Variants in SUGT1 observed in about 807,000 individuals in gnomAD.
SUGT1 encodes the protein protein SGT1 homolog.
A neutral mutation model predicts 56.1 loss-of-function variants in SUGT1; 15 were observed. The ratio of observed to expected loss-of-function variants is 0.27; its 90% CI spans 0.18 to 0.41. SUGT1 has a LOEUF of 0.41. SUGT1 is among the 10% of genes least tolerant of loss of function. SUGT1 has a pLI of 1.00. For synonymous variants in SUGT1, 123 were observed against 128.6 expected (o/e 0.96, Z 0.30); for missense variants, 347 against 382.2 (o/e 0.91, Z 0.77).
rs1171484531 is a variant in SUGT1, at chr13:52,680,018, T to G, written c.763T>G (p.Trp255Gly). ...ATCATCATCTCCTTATACAAGAAAT[T>G]GGGATAAATTGGTTGGTGAGATCAA... is the stretch of plus-strand genomic sequence containing the variant. ...YPSSSPYTRN[W>G]DKLVGEIKEE... The change falls in exon 12 of 13, where the codon TGG becomes GGG. Residue 255 changes from tryptophan (W) to glycine (G), a missense_variant. Trp to Gly is a radical substitution (Grantham distance 184). Transcript: ENST00000310528. 6.2e-7 allele frequency: 1 copy of G among 1,601,464 alleles called. No individual in the cohort carries two copies. Among genetic ancestry groups the G allele is most frequent in the Non-Finnish European group, 8.5e-7 (1 of 1,176,726 alleles).
intron 12 of SUGT1, chr13:52,687,323 A>G (rs1963635192): frequency 6.6e-6 from 1 of 152,258 alleles, no homozygotes. Flanking sequence ...CTGGTACAAG[A>G]AGAGATTATT....
intron 2 of SUGT1, among the ~76,000 whole-genome samples, chr13:52,654,521 CAT>C (rs1183546767): frequency 3.9e-5 from 6 of 152,310 alleles, no homozygotes; most frequent in Middle Eastern, 6.8e-3. Context: ...TGAGTTTTCA[CAT>C]GTTTACACCA....
intron 5 of SUGT1, chr13:52,661,450 G>C (rs1264190537): frequency 3.5e-6 from 1 of 282,886 alleles, no homozygotes; most frequent in Non-Finnish European, 7.0e-6. Context: ...GCACCACCAA[G>C]CCTGGCTAAT....
intron 10 of SUGT1, among the ~76,000 whole-genome samples, chr13:52,669,258 A>C (rs1196094746): frequency 6.6e-6 from 1 of 152,230 alleles, no homozygotes; most frequent in Admixed American, 6.5e-5. Context: ...CCCCAGATAA[A>C]GTTACAAGAT....
Position 52,666,828 on chromosome 13 carries a change from A to G in SUGT1, c.536A>G (p.Lys179Arg), listed in dbSNP as rs1962725264. The G allele has an allele frequency of 6.2e-7, 1 of 1,612,926 alleles. No individual in the cohort carries two copies. The highest frequency in any genetic ancestry group is 8.5e-7 in the Non-Finnish European group (1 of 1,179,450). The part of the protein sequence containing the change: ...FSEKELSALV[K>R]LPSGEDYNLK... ...GTTCATTAGTTGTCTGCTTTGGTTA[A>G]ACTTCCTTCTGGAGAGGATTACAAT... The change falls in exon 10 of 13, where the codon AAA becomes AGA. Residue 179 changes from lysine to arginine, a missense_variant. Transcript: ENST00000310528.
intron 5 of SUGT1, among the ~76,000 whole-genome samples, chr13:52,659,662 TGA>T (rs1299396069): frequency 6.6e-6 from 1 of 151,514 alleles, no homozygotes; most frequent in Non-Finnish European, 1.5e-5. Context: ...GGGTAAATTA[TGA>T]GAGGGTACAG....
chr13:52,663,929 G>A, intron 7 of SUGT1, 106 bp from the exon 8 acceptor site: 1 of 1,013,730 alleles, frequency 9.9e-7, no homozygotes, highest in Non-Finnish European at 1.5e-6. Context: ...CAAAATAACT[G>A]CAGTGTTGGG....
chr13:52,675,433 C>T (rs1288413075), intron 10 of SUGT1, among the ~76,000 whole-genome samples: 1 of 152,014 alleles, frequency 6.6e-6, no homozygotes, highest in Non-Finnish European at 1.5e-5. Flanking sequence ...AAACATTAGC[C>T]AGGAGTGGTG....
At position 52,699,225 on chromosome 13, in the gene SUGT1, T is replaced by G. The variant is rs574816141; in HGVS notation, c.*11390T>G. On this transcript the variant is annotated 3_prime_UTR_variant, in exon 13 of 13. Coordinates refer to ENST00000310528, the MANE Select transcript of SUGT1 (RefSeq NM_006704.5). The stretch of plus-strand genomic sequence containing the variant: ...TTGGGGGGTCATTATGATTAAGTTA[T>G]TGAATCCATATCACCGTATGACAGC... The G allele has an allele frequency of 5.3e-5, 8 of 152,200 alleles. No homozygotes were observed. Among genetic ancestry groups the G allele is most frequent in the Non-Finnish European group, 1.0e-4 (7 of 68,042 alleles). 9.4% of individuals were successfully genotyped at this position (152,200 alleles called of 1,614,324 possible).
At position 52,700,731 on chromosome 13, in the gene SUGT1, CAATA is replaced by C. The variant is rs985323285; in HGVS notation, c.*12900_*12903del. 6.6e-6 allele frequency: 1 copy of C among 152,226 alleles called. No homozygotes were observed. Among genetic ancestry groups the C allele is most frequent in the African/African-American group, 2.4e-5 (1 of 41,534 alleles). The allele number at this position is 152,226 out of a possible 1,614,324, so 9.4% of individuals were successfully genotyped here. On this transcript the variant is annotated 3_prime_UTR_variant, in exon 13 of 13. Coordinates refer to ENST00000310528, the MANE Select transcript of SUGT1 (RefSeq NM_006704.5). Reference sequence around the variant, plus strand: ...TTTGGTCAACTCTCTCCTCCTCCCTCAATAAATCAGTTAACTTAAAAAATATATT... The same window carrying C: ...TTTGGTCAACTCTCTCCTCCTCCCTCAATCAGTTAACTTAAAAAATATATT...
In SUGT1 at chr13:52,676,219, G is replaced by C. The variant is rs1963136805; in HGVS notation, c.628-11G>C. The C allele has an allele frequency of 5.0e-6, 8 of 1,605,386 alleles. No individual in the cohort carries two copies. The African/African-American group carries it at 8.1e-5, about 16-fold the overall frequency. On this transcript the variant is annotated splice_polypyrimidine_tract_variant and intron_variant, in intron 10 of 12. Transcript: ENST00000310528. ...CGTCGAGTAATGGAGTTTATTTGGT[G>C]TTTCCTCCAGATTGAAATTAAACTG...
rs61756205 is a variant in SUGT1 at position 52,666,823 on chromosome 13, G to A, written c.531G>A (p.Leu177=). The part of the protein sequence containing the change: ...VEFSEKELSA[L]VKLPSGEDYN... ...TTTGTGTTCATTAGTTGTCTGCTTT[G>A]GTTAAACTTCCTTCTGGAGAGGATT... The change falls in exon 10 of 13, where the codon TTG becomes TTA. Residue 177 remains leucine, a synonymous_variant. Coordinates refer to ENST00000310528, the MANE Select transcript of SUGT1 (RefSeq NM_006704.5). The A allele has an allele frequency of 3.4e-5, 55 of 1,612,310 alleles. No individual in the cohort carries two copies. The South Asian group carries it at 5.6e-4, about 16-fold the overall frequency.
intron 3 of SUGT1, among the ~76,000 whole-genome samples, chr13:52,657,827 C>T (rs970836091): frequency 6.6e-6 from 1 of 152,188 alleles, no homozygotes; most frequent in African/African-American, 2.4e-5. Flanking sequence ...AGAATGTATA[C>T]AGATTTCATT....
rs1963903653 is a variant in SUGT1, at chr13:52,695,517, A to AAAT, written c.*7683_*7685dup. 1 of 152,226 alleles carries AAAT rather than the reference A, an allele frequency of 6.6e-6. No homozygotes were observed. The highest frequency in any genetic ancestry group is 1.5e-5 in the Non-Finnish European group (1 of 68,044). 9.4% of individuals were successfully genotyped at this position (152,226 alleles called of 1,614,324 possible). On this transcript the variant is annotated 3_prime_UTR_variant, in exon 13 of 13. Transcript: ENST00000310528. ...GGATTTAATAACTAAGTCCTGACTC[A>AAAT]AATTATGTTACCAATAAATGCTACT...
At chr13:52,657,955 C>A in intron 3 of SUGT1, 1 of 477,762 alleles carries the variant, frequency 2.1e-6, no homozygotes, top group Non-Finnish European at 3.2e-6. Context: ...GGCATGGTGG[C>A]TCACGCCTGT....
rs1275254937 is a variant in SUGT1, at chr13:52,689,948, G to C, written c.*2113G>C. 1 of 106,764 alleles carries C rather than the reference G, an allele frequency of 9.4e-6. No homozygotes were observed. Among genetic ancestry groups the C allele is most frequent in the African/African-American group, 3.7e-5 (1 of 26,730 alleles). 6.6% of individuals were successfully genotyped at this position (106,764 alleles called of 1,614,324 possible). A position where few individuals can be genotyped will look rare whatever the true frequency, so the allele number is the denominator to read the frequency against. The stretch of plus-strand genomic sequence containing the variant: ...CATGCCACTGCACTCCAGCCTGGGC[G>C]ACTCCATCTCAAAAAAAATAAATAG... On this transcript the variant is annotated 3_prime_UTR_variant, in exon 13 of 13. Coordinates refer to ENST00000310528, the MANE Select transcript of SUGT1 (RefSeq NM_006704.5).
intron 5 of SUGT1, 109 bp from the exon 6 acceptor site, chr13:52,662,540 C>CGAAAGAGGT: frequency 2.9e-6 from 3 of 1,041,474 alleles, no homozygotes; most frequent in South Asian, 3.3e-5. Flanking sequence ...TCGCTGCCGA[C>CGAAAGAGGT]TCCCCAGTGC....
Position 52,690,548 on chromosome 13 carries a change from CATA to C in SUGT1, c.*2719_*2721del, listed in dbSNP as rs1963747575. ...TGTAGACTTCATCTCTTCTGATTTC[CATA>C]ATAATTTGCACCTTGATGAATCCAG... On this transcript the variant is annotated 3_prime_UTR_variant, in exon 13 of 13. Transcript: ENST00000310528. The C allele has an allele frequency of 2.0e-5, 3 of 152,158 alleles. No homozygotes were observed. Among genetic ancestry groups the C allele is most frequent in the Admixed American group, 2.0e-4 (3 of 15,278 alleles). The allele number at this position is 152,158 out of a possible 1,614,324, so 9.4% of individuals were successfully genotyped here.
chr13:52,653,986 A>G (rs1962043309), intron 2 of SUGT1, among the ~76,000 whole-genome samples: 1 of 152,214 alleles, frequency 6.6e-6, no homozygotes, highest in Admixed American at 6.5e-5. Flanking sequence ...TGAAGGAACA[A>G]GGGAATTAAC....
Sources: gnomAD v4.1 joint callset for allele counts (sites outside exome capture counted in the v4.1 genomes callset) on GRCh38, gnomAD v4.1.1 for gene constraint, MANE v1.5 for transcripts, NCBI Gene and HGNC (gene_info 2026-07-23, HGNC 2026-07-21) for gene names.